The following NTM variants were observed in gnomAD, a reference collection of about 807,000 sequenced individuals.
The protein encoded by NTM is neurotrimin, also known as IgLON family member 2.
A neutral mutation model predicts 42.1 loss-of-function variants in NTM; 13 were observed. The observed-to-expected ratio is 0.31, with a 90% confidence interval of 0.20 to 0.49. NTM has a LOEUF of 0.49. Among genes scored for constraint, NTM ranks in the 20% least tolerant of loss-of-function variants. The pLI, the probability that NTM is intolerant of heterozygous loss-of-function variation, is 0.99. For synonymous variants in NTM, 187 were observed against 179.2 expected (o/e 1.04, Z -0.35); for missense variants, 373 against 452.8 (o/e 0.82, Z 1.60).
intron 1 of NTM, among the ~76,000 whole-genome samples, chr11:131,705,699 CAT>C (rs1353484530): frequency 2.6e-5 from 4 of 152,056 alleles, no homozygotes; most frequent in African/African-American, 7.2e-5. Context: ...ACATCAATAA[CAT>C]ATAATGTGGG....
intron 1 of NTM, among the ~76,000 whole-genome samples, chr11:131,490,421 AAAC>A (rs1435100681): frequency 9.8e-4 from 149 of 152,342 alleles, no homozygotes; most frequent in African/African-American, 3.4e-3. Flanking sequence ...TAGTGGCTGA[AAAC>A]AACAACAAGT....
intron 1 of NTM, among the ~76,000 whole-genome samples, chr11:131,814,780 T>C (rs1160877074): frequency 1.3e-5 from 2 of 152,172 alleles, no homozygotes; most frequent in African/African-American, 2.4e-5. Context: ...TGCAGCTGCT[T>C]TTCATTCGTG....
intron 1 of NTM, among the ~76,000 whole-genome samples, chr11:131,856,328 TAA>T (rs1565634916): frequency 2.0e-5 from 3 of 151,772 alleles, no homozygotes; most frequent in Admixed American, 1.3e-4. Context: ...CATAATTTTA[TAA>T]TTAAGAGACA....
At chr11:132,142,857 G>A (rs1318984396) in intron 2 of NTM, among the ~76,000 whole-genome samples, 1 of 152,174 alleles carries the variant, frequency 6.6e-6, no homozygotes, top group Non-Finnish European at 1.5e-5. Flanking sequence ...TGCAGTGTTG[G>A]GGGACGGCTT....
intron 1 of NTM, among the ~76,000 whole-genome samples, chr11:131,881,907 G>A (rs1465495182): frequency 2.0e-5 from 3 of 152,194 alleles, no homozygotes; most frequent in Non-Finnish European, 2.9e-5. Flanking sequence ...AGGTTGCGGG[G>A]CTGACCAAAG....
At chr11:131,909,572 G>T (rs2054379328) in intron 1 of NTM, 1 of 152,334 alleles carries the variant, frequency 6.6e-6, no homozygotes, top group South Asian at 2.1e-4. Flanking sequence ...CAGGGCTGGA[G>T]GCCGGCTCTG....
At chr11:131,935,819 G>A (rs1226060952) in intron 2 of NTM, among the ~76,000 whole-genome samples, 1 of 152,198 alleles carries the variant, frequency 6.6e-6, no homozygotes, top group African/African-American at 2.4e-5. Flanking sequence ...CCTGTCTCAT[G>A]TAGAACAAAG....
intron 2 of NTM, among the ~76,000 whole-genome samples, chr11:131,929,926 G>A (rs916305998): frequency 6.6e-6 from 1 of 152,204 alleles, no homozygotes; most frequent in African/African-American, 2.4e-5. Flanking sequence ...GAATGCATCA[G>A]CAAAGAGGCT....
intron 1 of NTM, among the ~76,000 whole-genome samples, chr11:131,506,789 G>A (rs2047543511): frequency 6.6e-6 from 1 of 152,182 alleles, no homozygotes. Flanking sequence ...TGTCTCTGAG[G>A]GCTCATGGAC....
At chr11:132,330,873 T>C (rs961137576) in intron 8 of NTM, among the ~76,000 whole-genome samples, 1 of 152,200 alleles carries the variant, frequency 6.6e-6, no homozygotes, top group Non-Finnish European at 1.5e-5. Flanking sequence ...GCGTGGCCCA[T>C]GTCACTAGGC....
At position 131,990,167 on chromosome 11, in the gene NTM, A is replaced by G. The variant is rs143750417; in HGVS notation, c.167+78519A>G. 2.6e-3 allele frequency among the ~76,000 whole-genome samples: 400 copies of G among 152,232 alleles called. 3 individuals carry two copies. The highest frequency in any genetic ancestry group is 9.0e-3 in the African/African-American group (374 of 41,560). On this transcript the variant is annotated intron_variant, in intron 2 of 8. Coordinates refer to ENST00000683400, the MANE Select transcript of NTM (RefSeq NM_001352005.2). ...AAAACCTAAGGCTGGAATTATTTTT[A>G]AACGTTTTCAACTCTCATAGCTGAT... is the stretch of plus-strand genomic sequence containing the variant.
intron 1 of NTM, chr11:131,911,199 C>T (rs1193585516): frequency 6.5e-6 from 9 of 1,374,246 alleles, no homozygotes; most frequent in Non-Finnish European, 8.5e-6. Flanking sequence ...GCGCTTCCCC[C>T]TCCTCGGCCA....
At chr11:131,508,706 TA>T (rs1423513973) in intron 1 of NTM, among the ~76,000 whole-genome samples, 50 of 150,738 alleles carry the variant, frequency 3.3e-4, no homozygotes, top group African/African-American at 9.6e-4. Context: ...TATGCAGCCA[TA>T]AAAAAAGATG....
At chr11:132,329,804 A>G (rs76196944) in intron 7 of NTM, among the ~76,000 whole-genome samples, 4,240 of 152,330 alleles carry the variant, frequency 0.028, 215 homozygotes, top group African/African-American at 0.096. Flanking sequence ...TACAAAGCCT[A>G]TTTGGTTTGG....
intron 1 of NTM, among the ~76,000 whole-genome samples, chr11:131,497,044 G>A (rs1015480573): frequency 6.6e-6 from 1 of 152,158 alleles, no homozygotes; most frequent in Non-Finnish European, 1.5e-5. Context: ...GCTTCACAGT[G>A]AGGCTGTTCA....
At chr11:131,370,945 T>C in intron 1 of NTM, 57 bp downstream of exon 1, 1 of 1,603,678 alleles carries the variant, frequency 6.2e-7, no homozygotes, top group Non-Finnish European at 8.5e-7. Flanking sequence ...CAGTGTGCTT[T>C]ATAAGATTTG....
intron 1 of NTM, among the ~76,000 whole-genome samples, chr11:131,608,544 C>G (rs183019024): frequency 1.3e-5 from 2 of 152,330 alleles, no homozygotes; most frequent in Admixed American, 1.3e-4. Flanking sequence ...CAGGCCCTGA[C>G]AGCCTCATGC....
intron 2 of NTM, among the ~76,000 whole-genome samples, chr11:132,069,587 A>G (rs1216458027): frequency 6.0e-5 from 9 of 151,216 alleles, no homozygotes; most frequent in Non-Finnish European, 1.3e-4. Context: ...AGGTTAGTTA[A>G]CACGTCACAC....
At chr11:131,558,244 C>G (rs1334503001) in intron 1 of NTM, among the ~76,000 whole-genome samples, 1 of 152,126 alleles carries the variant, frequency 6.6e-6, no homozygotes, top group Non-Finnish European at 1.5e-5. Context: ...GCAGCCCTCC[C>G]TAGTGCTAAC....
Sources: allele counts gnomAD v4.1 joint callset (sites outside exome capture counted in the v4.1 genomes callset), GRCh38; gene constraint gnomAD v4.1.1; transcripts MANE v1.5; gene names NCBI Gene and HGNC (gene_info 2026-07-23, HGNC 2026-07-21).